G3BP1: variants seen among roughly 807,000 people sequenced by gnomAD.
G3BP1 encodes ras GTPase-activating protein-binding protein 1.
In G3BP1, 35 loss-of-function variants were observed where a neutral mutation model predicts 58.6. The ratio of observed to expected loss-of-function variants is 0.60; its 90% CI spans 0.46 to 0.79. The LOEUF (loss-of-function observed/expected upper bound fraction) is 0.79. Ranked by LOEUF, G3BP1 falls within the 30% of genes least tolerant of loss-of-function variation. The probability of loss-of-function intolerance (pLI) is 0.00; values close to 1 mark genes in which losing one functional copy is unlikely to be tolerated. For synonymous variants in G3BP1, 191 were observed against 195.4 expected (o/e 0.98, Z 0.19); for missense variants, 523 against 580.8 (o/e 0.90, Z 1.02).
chr5:151,786,557 T>A lies in G3BP1; in HGVS notation c.-49-15T>A. On this transcript the variant is annotated splice_polypyrimidine_tract_variant and intron_variant, in intron 1 of 11. Transcript: ENST00000356245. Reference sequence around the variant, plus strand: ...CTAAATGATTCGGTCTTTTCCCCTGTGTTTGATCCTTCAGGTTTGGACATA... The same window carrying A: ...CTAAATGATTCGGTCTTTTCCCCTGAGTTTGATCCTTCAGGTTTGGACATA... The A allele has an allele frequency of 5.0e-6, 5 of 993,686 alleles. No homozygotes were observed. The highest frequency in any genetic ancestry group is 8.1e-6 in the Non-Finnish European group (5 of 616,110). The allele number at this position is 993,686 out of a possible 1,614,324, so 61.6% of individuals were successfully genotyped here. A position where few individuals can be genotyped will look rare whatever the true frequency, so the allele number is the denominator to read the frequency against.
At position 151,800,269 on chromosome 5, in the gene G3BP1, A is replaced by G; in HGVS notation, c.1007A>G (p.His336Arg). 1.9e-6 allele frequency: 3 copies of G among 1,612,026 alleles called. No individual in the cohort carries two copies. The South Asian group carries it at 3.3e-5, about 18-fold the overall frequency. ...ATTGAACCCCGAAGAATGGTGAGAC[A>G]CCCTGACAGTCACCAACTCTTCATT... ...GDIEPRRMVR[H>R]PDSHQLFIGN... The change falls in exon 10 of 12, where the codon CAC (histidine) becomes CGC (arginine). Residue 336 changes from histidine to arginine, a missense_variant. Physicochemically the swap from His to Arg is conservative, Grantham distance 29. This residue lies in a region of G3BP1 where 125 missense variants were observed against 181.7 expected (regional missense o/e 0.69). Transcript: ENST00000356245.
At chr5:151,782,270 G>A (rs1762482587) in intron 1 of G3BP1, among the ~76,000 whole-genome samples, 1 of 152,146 alleles carries the variant, frequency 6.6e-6, no homozygotes, top group East Asian at 1.9e-4. Flanking sequence ...GAATGGTGTT[G>A]GAGAAGTTTC....
rs201430384 is a variant in G3BP1, at chr5:151,788,570, A to ATGTGTGTGTG, written c.96-1752_96-1751insGTGTGTGTGT. Among the ~76,000 whole-genome samples, 406 of 93,136 alleles carry ATGTGTGTGTG rather than the reference A, an allele frequency of 4.4e-3. 3 individuals are homozygous for ATGTGTGTGTG. Among genetic ancestry groups the ATGTGTGTGTG allele is most frequent in the East Asian group, 0.033 (101 of 3,066 alleles). 61.1% of individuals were successfully genotyped at this position (93,136 alleles called of 152,430 possible). ...TGCACTACCATGCCCAGCTAAGTTTATATGTGTGTGTGTGTGTGTGTGTGT... is the reference window on the plus strand; with the variant it reads ...TGCACTACCATGCCCAGCTAAGTTTATGTGTGTGTGTATGTGTGTGTGTGTGTGTGTGTGT... On this transcript the variant is annotated intron_variant, in intron 2 of 11. Coordinates refer to ENST00000356245, the MANE Select transcript of G3BP1 (RefSeq NM_005754.3).
chr5:151,774,638 T>C (rs902840574), intron 1 of G3BP1, among the ~76,000 whole-genome samples: 1 of 151,908 alleles, frequency 6.6e-6, no homozygotes, highest in Admixed American at 6.6e-5. Context: ...TGTTTAATTA[T>C]ATTGTGCTTT....
rs1207162704 is a variant in G3BP1, at chr5:151,805,342, GA to G, written c.*1253del. 3 of 152,458 alleles carry G rather than the reference GA, an allele frequency of 2.0e-5. No homozygotes were observed. Among genetic ancestry groups the G allele is most frequent in the Non-Finnish European group, 4.4e-5 (3 of 68,006 alleles). 9.4% of individuals were successfully genotyped at this position (152,458 alleles called of 1,614,324 possible). A position where few individuals can be genotyped will look rare whatever the true frequency, so the allele number is the denominator to read the frequency against. ...GCCAATTTTTATTAAAATATTTCTG[GA>G]AGAAAATTTAATCTGGCAATATAGA... On this transcript the variant is annotated 3_prime_UTR_variant, in exon 12 of 12. Transcript: ENST00000356245.
chr5:151,800,036 A>AT (rs1304319129), intron 9 of G3BP1, 36 bp downstream of exon 9: 5 of 1,390,888 alleles, frequency 3.6e-6, no homozygotes, highest in Non-Finnish European at 5.1e-6. Context: ...CGTTTGGGGG[A>AT]TTTTGAGGTG....
At chr5:151,796,971 A>G (rs1762762600) in intron 6 of G3BP1, among the ~76,000 whole-genome samples, 2 of 150,628 alleles carry the variant, frequency 1.3e-5, no homozygotes, top group Admixed American at 6.6e-5. Context: ...TCCAGCCATA[A>G]AGTGGTTTGG....
chr5:151,784,371 A>G (rs1232374584), intron 1 of G3BP1, among the ~76,000 whole-genome samples: 1 of 152,194 alleles, frequency 6.6e-6, no homozygotes, highest in African/African-American at 2.4e-5. Context: ...TGCTATCTTA[A>G]TCTAAATGCT....
At position 151,807,732 on chromosome 5, in the gene G3BP1, G is replaced by A. The variant is rs1453776156; in HGVS notation, c.*3641G>A. ...TCATCCCTCTATTTGAAAAACCCTTGTAGAATTTAACGATTTAATGGAAAA... is the reference window on the plus strand; with the variant it reads ...TCATCCCTCTATTTGAAAAACCCTTATAGAATTTAACGATTTAATGGAAAA... On this transcript the variant is annotated 3_prime_UTR_variant, in exon 12 of 12. Coordinates refer to ENST00000356245, the MANE Select transcript of G3BP1 (RefSeq NM_005754.3). 2.0e-5 allele frequency: 3 copies of A among 152,176 alleles called. No homozygotes were observed. Among genetic ancestry groups the A allele is most frequent in the African/African-American group, 4.8e-5 (2 of 41,432 alleles). 9.4% of individuals were successfully genotyped at this position (152,176 alleles called of 1,614,324 possible). A position where few individuals can be genotyped will look rare whatever the true frequency, so the allele number is the denominator to read the frequency against.
Position 151,795,545 on chromosome 5 carries a change from C to T in G3BP1, c.509C>T (p.Ser170Phe). The change falls in exon 6 of 12, where the codon TCT becomes TTT. Residue 170 changes from serine (S) to phenylalanine (F), a missense_variant. Physicochemically the swap from Ser to Phe is radical, Grantham distance 155. This residue lies in a region of G3BP1 where 398 missense variants were observed against 399.1 expected (regional missense o/e 1.00). Coordinates refer to ENST00000356245, the MANE Select transcript of G3BP1 (RefSeq NM_005754.3). ...ACACCTGAGGTGGTACCTGATGATTCTGGAACTTTCTATGATCAGGCAGTT... is the reference window on the plus strand; with the variant it reads ...ACACCTGAGGTGGTACCTGATGATTTTGGAACTTTCTATGATCAGGCAGTT... ...QQTPEVVPDD[S>F]GTFYDQAVVS... 1.2e-6 allele frequency: 2 copies of T among 1,604,260 alleles called. No homozygotes were observed. Among genetic ancestry groups the T allele is most frequent in the Non-Finnish European group, 1.7e-6 (2 of 1,171,544 alleles).
intron 5 of G3BP1, among the ~76,000 whole-genome samples, chr5:151,794,644 C>G (rs1366108376): frequency 1.3e-5 from 2 of 152,158 alleles, no homozygotes; most frequent in Non-Finnish European, 2.9e-5. Flanking sequence ...CATGACTACT[C>G]TTTGTGCTGG....
chr5:151,803,420 G>A (rs894026259), intron 11 of G3BP1, among the ~76,000 whole-genome samples: 3 of 152,008 alleles, frequency 2.0e-5, no homozygotes, highest in South Asian at 2.1e-4. Context: ...TCTGGGTGAC[G>A]AGTGAAACTC....
intron 6 of G3BP1, 100 bp downstream of exon 6, chr5:151,795,675 CAAAAT>C (rs1762736993): frequency 3.3e-6 from 2 of 597,946 alleles, no homozygotes; most frequent in Admixed American, 3.1e-5. Context: ...AGAATTACCT[CAAAAT>C]AATAATTTCT....
chr5:151,788,218 T>G (rs905502323), intron 2 of G3BP1, among the ~76,000 whole-genome samples: 15 of 152,086 alleles, frequency 9.9e-5, no homozygotes, highest in Non-Finnish European at 1.5e-5. Context: ...TTTTAAGGCT[T>G]TAAAATTTCC....
At chr5:151,796,127 T>C (rs1762744343) in intron 6 of G3BP1, among the ~76,000 whole-genome samples, 1 of 152,226 alleles carries the variant, frequency 6.6e-6, no homozygotes, top group Non-Finnish European at 1.5e-5. Flanking sequence ...ATTCAGTGCC[T>C]GAAGGGTGTT....
At chr5:151,800,459 A>G (rs1327682543) in intron 10 of G3BP1, 113 bp downstream of exon 10, 1 of 315,006 alleles carries the variant, frequency 3.2e-6, no homozygotes, top group Non-Finnish European at 5.4e-6. Context: ...AGTCATGGTT[A>G]AAAAAAAAAA....
At chr5:151,788,083 C>T (rs1344110554) in intron 2 of G3BP1, among the ~76,000 whole-genome samples, 3 of 151,784 alleles carry the variant, frequency 2.0e-5, no homozygotes, top group Non-Finnish European at 4.4e-5. Context: ...TCCACCACGC[C>T]CAGCTAATTT....
chr5:151,773,207 C>T (rs1349136978), intron 1 of G3BP1, among the ~76,000 whole-genome samples: 1 of 151,922 alleles, frequency 6.6e-6, no homozygotes, highest in Non-Finnish European at 1.5e-5. Flanking sequence ...GCAGAAAGAC[C>T]TTGAGAAGAT....
At chr5:151,787,649 A>T (rs563317247) in intron 2 of G3BP1, 30 of 184,024 alleles carry the variant, frequency 1.6e-4, no homozygotes, top group Non-Finnish European at 2.8e-4. Context: ...TTTCTCTTAC[A>T]ATGTCGCTTT....
Sources: gnomAD v4.1 joint callset for allele counts (sites outside exome capture counted in the v4.1 genomes callset) on GRCh38, gnomAD v4.1.1 for gene constraint, gnomAD v4.1.1 regional missense constraint, MANE v1.5 for transcripts, NCBI Gene and HGNC (gene_info 2026-07-23, HGNC 2026-07-21) for gene names.